BTBD16: variants seen among roughly 807,000 people sequenced by gnomAD.
BTBD16 encodes the protein BTB/POZ domain-containing protein 16.
Under a neutral mutation model 67.4 loss-of-function variants are expected in BTBD16, and 66 were observed. The observed-to-expected ratio is 0.98, with a 90% CI of 0.80 to 1.20. The LOEUF (loss-of-function observed/expected upper bound fraction) is 1.20. Among genes scored for constraint, BTBD16 ranks in the 50% most tolerant of loss-of-function variants. The pLI, the probability that BTBD16 is intolerant of heterozygous loss-of-function variation, is 0.00. For synonymous variants in BTBD16, 242 were observed against 236.4 expected (o/e 1.02, Z -0.22); for missense variants, 634 against 616.0 (o/e 1.03, Z -0.31).
chr10:122,300,056 G>C (rs888739192), intron 9 of BTBD16, among the ~76,000 whole-genome samples: 3 of 152,172 alleles, frequency 2.0e-5, no homozygotes, highest in Non-Finnish European at 2.9e-5. Context: ...AATTCATGGA[G>C]ATGTTTCCCA....
intron 3 of BTBD16, among the ~76,000 whole-genome samples, chr10:122,278,632 C>T (rs564573536): frequency 6.6e-6 from 1 of 152,336 alleles, no homozygotes; most frequent in South Asian, 2.1e-4. Context: ...TGCCTCCTTG[C>T]ACCTTCCCCA....
chr10:122,293,567 G>A (rs1305298995), intron 7 of BTBD16, among the ~76,000 whole-genome samples: 2 of 152,208 alleles, frequency 1.3e-5, no homozygotes, highest in African/African-American at 4.8e-5. Context: ...TGCAGGCAGA[G>A]CCAACTGGTG....
In BTBD16 at chr10:122,334,980, G is replaced by C; in HGVS notation, c.1263+1G>C. On this transcript the variant is annotated splice_donor_variant, in intron 14 of 15. Transcript: ENST00000260723. LOFTEE classifies it high-confidence loss of function. ...TACCTCTTATAGTTTTTACATGCAG[G>C]TAAGGATAGAGTGCATGAAAGTTAT... The C allele has an allele frequency of 2.1e-6, 3 of 1,429,578 alleles. No individual in the cohort carries two copies. The highest frequency in any genetic ancestry group is 2.9e-6 in the Non-Finnish European group (3 of 1,020,490). The allele number at this position is 1,429,578 out of a possible 1,614,324, so 88.6% of individuals were successfully genotyped here.
At chr10:122,284,818 C>T (rs2096360436) in intron 4 of BTBD16, among the ~76,000 whole-genome samples, 1 of 151,918 alleles carries the variant, frequency 6.6e-6, no homozygotes, top group African/African-American at 2.4e-5. Flanking sequence ...CTGAGACCAT[C>T]TCCTGGCATG....
At chr10:122,294,552 GCA>G (rs75537599) in intron 7 of BTBD16, among the ~76,000 whole-genome samples, 1 of 152,024 alleles carries the variant, frequency 6.6e-6, no homozygotes, top group Non-Finnish European at 1.5e-5. Context: ...GCATGTGTAT[GCA>G]CACACACGCT....
intron 5 of BTBD16, among the ~76,000 whole-genome samples, chr10:122,288,540 G>A (rs959375790): frequency 2.0e-5 from 3 of 152,100 alleles, no homozygotes; most frequent in South Asian, 2.1e-4. Context: ...CATGTGCTGC[G>A]TTCATTCAGC....
chr10:122,295,699 C>A (rs1333985348), intron 7 of BTBD16, among the ~76,000 whole-genome samples: 2 of 152,108 alleles, frequency 1.3e-5, no homozygotes, highest in African/African-American at 4.8e-5. Flanking sequence ...CAGGACTCAG[C>A]AGTCTTAGAA....
chr10:122,303,787 C>T (rs2142087469), intron 9 of BTBD16, among the ~76,000 whole-genome samples: 1 of 152,188 alleles, frequency 6.6e-6, no homozygotes, highest in African/African-American at 2.4e-5. Context: ...GGTTCAAGTC[C>T]CTGTGGGTTC....
At chr10:122,288,265 G>T (rs1001056104) in intron 5 of BTBD16, among the ~76,000 whole-genome samples, 2 of 152,204 alleles carry the variant, frequency 1.3e-5, no homozygotes, top group African/African-American at 4.8e-5. Flanking sequence ...GCAGGCTGGC[G>T]TGAGCAGATG....
chr10:122,300,924 T>C (rs1444215262), intron 9 of BTBD16, among the ~76,000 whole-genome samples: 1 of 152,198 alleles, frequency 6.6e-6, no homozygotes, highest in Non-Finnish European at 1.5e-5. Context: ...ATTCTACTGT[T>C]GATGTGAATT....
intron 14 of BTBD16, among the ~76,000 whole-genome samples, chr10:122,335,858 C>A (rs919127459): frequency 6.6e-6 from 1 of 152,000 alleles, no homozygotes; most frequent in Non-Finnish European, 1.5e-5. Flanking sequence ...CATAGAGGAG[C>A]TTTATTTTTT....
At chr10:122,324,981 G>A (rs540789619) in intron 10 of BTBD16, among the ~76,000 whole-genome samples, 1 of 152,342 alleles carries the variant, frequency 6.6e-6, no homozygotes, top group African/African-American at 2.4e-5. Flanking sequence ...TTGTGCTAGG[G>A]TCAGGACCAT....
At chr10:122,320,612 T>G (rs1412767845) in intron 10 of BTBD16, among the ~76,000 whole-genome samples, 1 of 152,210 alleles carries the variant, frequency 6.6e-6, no homozygotes, top group Non-Finnish European at 1.5e-5. Context: ...ATTTTCCCTT[T>G]GAGTTCTTCT....
At chr10:122,291,371 T>C in intron 7 of BTBD16, 177 bp downstream of exon 7, 1 of 733,676 alleles carries the variant, frequency 1.4e-6, no homozygotes, top group Non-Finnish European at 2.0e-6. Flanking sequence ...CACTAACAGG[T>C]GAGCCATCTC....
At chr10:122,328,856 G>C in intron 10 of BTBD16, 2 of 982,868 alleles carry the variant, frequency 2.0e-6, no homozygotes, top group Non-Finnish European at 2.4e-6. Context: ...AGCTCCGTGA[G>C]GAAGTTAACT....
At chr10:122,300,146 C>T (rs1393378760) in intron 9 of BTBD16, among the ~76,000 whole-genome samples, 1 of 152,194 alleles carries the variant, frequency 6.6e-6, no homozygotes, top group Non-Finnish European at 1.5e-5. Context: ...CATTTGTCTT[C>T]ATCTCAGATT....
chr10:122,324,223 GA>G (rs2096440415), intron 10 of BTBD16, among the ~76,000 whole-genome samples: 1 of 152,210 alleles, frequency 6.6e-6, no homozygotes, highest in Non-Finnish European at 1.5e-5. Context: ...CCTCTTTGCG[GA>G]GAGAAAAAGA....
chr10:122,276,768 C>G (rs748237905), intron 2 of BTBD16, 23 bp from the exon 3 acceptor site: 1 of 1,602,744 alleles, frequency 6.2e-7, no homozygotes, highest in Admixed American at 1.7e-5. Flanking sequence ...AAGATGTCTT[C>G]TCTTTCTTTG....
intron 8 of BTBD16, among the ~76,000 whole-genome samples, chr10:122,298,270 T>C (rs74159109): frequency 0.033 from 5,065 of 152,180 alleles, 281 homozygotes; most frequent in African/African-American, 0.12. Context: ...ACCAGCTGGG[T>C]CCAAAGCCCA....
Sources: gnomAD v4.1 joint callset for allele counts (sites outside exome capture counted in the v4.1 genomes callset) on GRCh38, gnomAD v4.1.1 for gene constraint, MANE v1.5 for transcripts, NCBI Gene and HGNC (gene_info 2026-07-23, HGNC 2026-07-21) for gene names.